EVC2: variants seen among roughly 807,000 people sequenced by gnomAD.
EVC2 encodes the protein EvC ciliary complex subunit 2.
EVC2 carries 148 observed loss-of-function variants against 149.3 expected under a neutral mutation model. The ratio of observed to expected loss-of-function variants is 0.99; its 90% CI spans 0.87 to 1.14. EVC2 has a LOEUF of 1.14. Ranked by LOEUF, EVC2 falls within the 50% of genes most tolerant of loss-of-function variation. The pLI is 0.00. For missense variants in EVC2, 1,854 were observed against 1,627.3 expected, an observed-to-expected ratio of 1.14 and a Z score of -2.40; for synonymous variants, 776 against 649.9, an observed-to-expected ratio of 1.19 and a Z score of -2.95.
intron 16 of EVC2, among the ~76,000 whole-genome samples, chr4:5,599,423 G>T (rs1713771993): frequency 6.6e-6 from 1 of 152,170 alleles, no homozygotes; most frequent in African/African-American, 2.4e-5. Flanking sequence ...CATTTGTAGG[G>T]ACATGGATGA....
rs199826018 is a variant in EVC2, at chr4:5,640,816, G to A, written c.1168C>T (p.Arg390Trp). The change falls in exon 10 of 22, where the codon CGG becomes TGG. Residue 390 changes from arginine (R) to tryptophan (W), a missense_variant. Arg to Trp is a moderately radical substitution (Grantham distance 101). Coordinates refer to ENST00000344408, the MANE Select transcript of EVC2 (RefSeq NM_147127.5). This position sits in a 1 kb window ranked among gnomAD's most constrained non-coding sequence, Gnocchi z 4.6. ...CAAGCCTCCAGATCTGCATCTGCCC[G>A]ATTCAGGGTTGCAATCTCCAACCTA... ...LEELEIATLN[R>W]ADADLEACRT... 5.0e-5 allele frequency: 80 copies of A among 1,614,108 alleles called. No individual in the cohort carries two copies. The highest frequency in any genetic ancestry group is 1.6e-4 in the East Asian group (7 of 44,876).
rs1343681570 is a variant in EVC2, at chr4:5,613,410, G to A, written c.2829+2012C>T. 6.6e-6 allele frequency among the ~76,000 whole-genome samples: 1 copy of A among 152,148 alleles called. No homozygotes were observed. The highest frequency in any genetic ancestry group is 1.5e-5 in the Non-Finnish European group (1 of 68,034). On this transcript the variant is annotated intron_variant, in intron 16 of 21. Coordinates refer to ENST00000344408, the MANE Select transcript of EVC2 (RefSeq NM_147127.5). This position sits in a 1 kb window ranked among gnomAD's most constrained non-coding sequence, Gnocchi z 4.6. ...CTGGCGGGTTTCACCTCTTACAGAG[G>A]ATCACAAAGCAGCCGGTACTCAGGG...
intron 21 of EVC2, among the ~76,000 whole-genome samples, chr4:5,555,295 T>G (rs553089840): frequency 6.6e-6 from 1 of 152,324 alleles, no homozygotes; most frequent in South Asian, 2.1e-4. Context: ...ATGGCTGATA[T>G]TAATCCAACT....
chr4:5,707,265 T>C (rs183740698), intron 1 of EVC2, among the ~76,000 whole-genome samples: 157 of 152,292 alleles, frequency 1.0e-3, no homozygotes, highest in Non-Finnish European at 1.5e-3. Flanking sequence ...CATGGCGTTT[T>C]TCCAGTGAAA....
intron 9 of EVC2, among the ~76,000 whole-genome samples, chr4:5,651,097 T>C (rs1718111001): frequency 6.6e-6 from 1 of 151,944 alleles, no homozygotes; most frequent in Non-Finnish European, 1.5e-5. Flanking sequence ...GATGGAAGAA[T>C]GGATGAATGG....
chr4:5,708,408 G>C lies in EVC2; in HGVS notation c.106C>G (p.Arg36Gly). ...GCGCCGAGGGGGCGCCAGCGGGGACGTGAGCTGGCGCCGAGACAGCCTCGG... is the reference window on the plus strand; with the variant it reads ...GCGCCGAGGGGGCGCCAGCGGGGACCTGAGCTGGCGCCGAGACAGCCTCGG... ...GGRGCLGASS[R>G]PRWRPLGAQP... is the part of the protein sequence containing the mutation. Residue 36 changes from arginine (R) to glycine (G), a missense_variant, in exon 1 of 22, where the codon CGT becomes GGT. Arg to Gly is a moderately radical substitution (Grantham distance 125). Transcript: ENST00000344408. The C allele has an allele frequency of 1.3e-6, 2 of 1,501,926 alleles. No homozygotes were observed. The highest frequency in any genetic ancestry group is 2.1e-5 in the Admixed American group (1 of 47,596). The allele number at this position is 1,501,926 out of a possible 1,614,324, so 93.0% of individuals were successfully genotyped here. A position where few individuals can be genotyped will look rare whatever the true frequency, so the allele number is the denominator to read the frequency against.
intron 7 of EVC2, among the ~76,000 whole-genome samples, chr4:5,666,889 G>A (rs1340186503): frequency 6.6e-6 from 1 of 152,164 alleles, no homozygotes; most frequent in South Asian, 2.1e-4. Context: ...CTGTCACTTA[G>A]TTCTCAGTTT....
intron 21 of EVC2, among the ~76,000 whole-genome samples, chr4:5,552,121 A>G (rs893876905): frequency 3.9e-5 from 6 of 152,160 alleles, no homozygotes; most frequent in African/African-American, 1.2e-4. Context: ...TTTAACATTT[A>G]TATTTCTAAA....
At chr4:5,543,872 T>G (rs1268031702) in intron 21 of EVC2, among the ~76,000 whole-genome samples, 2 of 152,168 alleles carry the variant, frequency 1.3e-5, no homozygotes, top group Non-Finnish European at 2.9e-5. Flanking sequence ...ACATTTCTTG[T>G]GCCCAGAAAG....
intron 4 of EVC2, 102 bp downstream of exon 4, chr4:5,691,163 A>T: frequency 1.9e-6 from 2 of 1,029,350 alleles, no homozygotes; most frequent in Non-Finnish European, 3.1e-6. Context: ...TGTGTAGGTA[A>T]GCCCATGATT....
chr4:5,661,810 C>T (rs1453518098), intron 9 of EVC2, among the ~76,000 whole-genome samples: 3 of 152,146 alleles, frequency 2.0e-5, no homozygotes, highest in Admixed American at 1.3e-4. Context: ...AAAACCTGAC[C>T]CTATCATTTA....
At chr4:5,599,465 G>A (rs190938774) in intron 16 of EVC2, among the ~76,000 whole-genome samples, 20 of 151,940 alleles carry the variant, frequency 1.3e-4, no homozygotes, top group African/African-American at 3.6e-4. Context: ...GTAAACTATC[G>A]CAAGAACAAA....
At chr4:5,550,434 C>T (rs1046127486) in intron 21 of EVC2, among the ~76,000 whole-genome samples, 3 of 152,154 alleles carry the variant, frequency 2.0e-5, no homozygotes, top group Admixed American at 2.0e-4. Flanking sequence ...TTGCCCCTAT[C>T]CTAGAGATTT....
chr4:5,622,607 T>G lies in EVC2; in HGVS notation c.2431A>C (p.Lys811Gln). 4 of 1,613,946 alleles carry G rather than the reference T, an allele frequency of 2.5e-6. No individual in the cohort carries two copies. The highest frequency in any genetic ancestry group is 2.5e-6 in the Non-Finnish European group (3 of 1,179,976). ...GTCACGGCCTCAGGAGCGTCATCCT[T>G]CAGTCTCTGCCTCACGCTCTGGACA... is the stretch of plus-strand genomic sequence containing the variant. The part of the protein sequence containing the change: ...EGVQSVRQRL[K>Q]DDAPEAVTEE... Residue 811 changes from lysine to glutamine, a missense_variant, in exon 14 of 22, where the codon AAG (lysine) becomes CAG (glutamine). By Grantham distance (53) the Lys-to-Gln change is moderately conservative. Coordinates refer to ENST00000344408, the MANE Select transcript of EVC2 (RefSeq NM_147127.5). The surrounding 1 kb of genome is among the most constrained non-coding windows in gnomAD (Gnocchi z 5.8).
intron 16 of EVC2, among the ~76,000 whole-genome samples, chr4:5,606,960 A>G (rs1447399310): frequency 6.6e-6 from 1 of 152,216 alleles, no homozygotes; most frequent in African/African-American, 2.4e-5. Context: ...TGGAGCCAGC[A>G]GTCTGGCTCC....
At chr4:5,563,411 A>G (rs545987818) in intron 21 of EVC2, among the ~76,000 whole-genome samples, 1 of 152,194 alleles carries the variant, frequency 6.6e-6, no homozygotes, top group African/African-American at 2.4e-5. Flanking sequence ...CAATGGCACA[A>G]CCTCGGCTCA....
At chr4:5,558,762 C>G (rs1577090664), downstream of EVC2, among the ~76,000 whole-genome samples, 1 of 152,254 alleles carries the variant, frequency 6.6e-6, no homozygotes, top group East Asian at 1.9e-4. Flanking sequence ...CATAAGTACT[C>G]TACTCTACTG....
At chr4:5,666,962 G>A (rs113279252) in intron 7 of EVC2, among the ~76,000 whole-genome samples, 3,749 of 152,136 alleles carry the variant, frequency 0.025, 131 homozygotes, top group African/African-American at 0.083. Context: ...AGATGTTGAT[G>A]GTGCCATTCT....
intron 18 of EVC2, among the ~76,000 whole-genome samples, chr4:5,575,937 G>C (rs963196290): frequency 2.6e-5 from 4 of 152,168 alleles, no homozygotes; most frequent in Non-Finnish European, 5.9e-5. Context: ...GGAAAGCTGG[G>C]GGAAGGGTAC....
Sources: gnomAD v4.1 joint callset for allele counts (sites outside exome capture counted in the v4.1 genomes callset) on GRCh38, gnomAD v4.1.1 for gene constraint, Gnocchi (gnomAD v3.1) non-coding constraint, MANE v1.5 for transcripts, NCBI Gene and HGNC (gene_info 2026-07-23, HGNC 2026-07-21) for gene names.